Variants in GRID2 observed in about 807,000 individuals in gnomAD.
The protein encoded by GRID2 is glutamate ionotropic receptor delta type subunit 2.
In GRID2, 33 loss-of-function variants were observed where a neutral mutation model predicts 114.8. The ratio of observed to expected loss-of-function variants is 0.29; its 90% CI spans 0.22 to 0.38. The LOEUF (loss-of-function observed/expected upper bound fraction) is 0.38, where lower values mean the gene tolerates loss of function less well. GRID2 is among the 10% of genes least tolerant of loss of function. The pLI is 1.00. For missense variants in GRID2, 1,184 were observed against 1,257.7 expected (o/e 0.94, Z 0.89); for synonymous variants, 505 against 449.9 (o/e 1.12, Z -1.55).
At chr4:92,798,639 C>T (rs1482169390) in intron 2 of GRID2, among the ~76,000 whole-genome samples, 2 of 152,038 alleles carry the variant, frequency 1.3e-5, no homozygotes, top group Non-Finnish European at 2.9e-5. Flanking sequence ...TTAGGAGTAA[C>T]TCTCTGAAGA....
At chr4:92,958,419 G>T (rs1011949918) in intron 2 of GRID2, among the ~76,000 whole-genome samples, 2 of 151,970 alleles carry the variant, frequency 1.3e-5, no homozygotes, top group Admixed American at 1.3e-4. Flanking sequence ...TACATCTATT[G>T]ATACAGTTTT....
chr4:93,417,957 T>G (rs532195295), intron 9 of GRID2, among the ~76,000 whole-genome samples: 1 of 150,896 alleles, frequency 6.6e-6, no homozygotes, highest in South Asian at 2.1e-4. Context: ...AGTATTCTTT[T>G]GTATTCATAC....
chr4:92,650,596 A>G (rs1731878602), intron 2 of GRID2, among the ~76,000 whole-genome samples: 1 of 151,764 alleles, frequency 6.6e-6, no homozygotes. Flanking sequence ...TGAGAAGTAC[A>G]AGGTATCTGA....
At chr4:92,689,917 G>A (rs867741888) in intron 2 of GRID2, among the ~76,000 whole-genome samples, 1 of 152,040 alleles carries the variant, frequency 6.6e-6, no homozygotes, top group African/African-American at 2.4e-5. Flanking sequence ...GAGAGTTAGG[G>A]CCTTACTCTG....
chr4:92,544,357 G>A (rs190930116), intron 1 of GRID2, among the ~76,000 whole-genome samples: 48 of 152,090 alleles, frequency 3.2e-4, no homozygotes, highest in African/African-American at 9.4e-4. Context: ...TGTTTGAGTC[G>A]TACAACTGGT....
intron 2 of GRID2, among the ~76,000 whole-genome samples, chr4:92,595,542 A>G (rs1304718401): frequency 6.6e-6 from 1 of 152,044 alleles, no homozygotes; most frequent in East Asian, 1.9e-4. Flanking sequence ...AGTGTTGATT[A>G]CCCATTGCTC....
At chr4:92,739,932 A>G (rs1199170890) in intron 2 of GRID2, among the ~76,000 whole-genome samples, 1 of 152,126 alleles carries the variant, frequency 6.6e-6, no homozygotes, top group African/African-American at 2.4e-5. Flanking sequence ...TACCTTCCAT[A>G]ATATTTTTTC....
chr4:92,779,126 A>C (rs1738942609), intron 2 of GRID2, among the ~76,000 whole-genome samples: 1 of 151,978 alleles, frequency 6.6e-6, no homozygotes, highest in Non-Finnish European at 1.5e-5. Context: ...GAAGAACTAT[A>C]GTAGCATTTC....
chr4:92,501,144 G>A lies in GRID2; in HGVS notation c.89-88987G>A, dbSNP rs573258428. 1.4e-4 allele frequency among the ~76,000 whole-genome samples: 22 copies of A among 152,168 alleles called. No individual in the cohort carries two copies. The South Asian group carries it at 2.3e-3, about 16-fold the overall frequency. On this transcript the variant is annotated intron_variant, in intron 1 of 15. Coordinates refer to ENST00000282020, the MANE Select transcript of GRID2 (RefSeq NM_001510.4). ...AGGGAAGGACAACAGGAATGCATTC[G>A]GGAATTCTCAATGATTTGTTTTCAG...
At chr4:92,835,483 A>C (rs1453264276) in intron 2 of GRID2, among the ~76,000 whole-genome samples, 2 of 152,146 alleles carry the variant, frequency 1.3e-5, no homozygotes, top group African/African-American at 2.4e-5. Context: ...TTCTACAGAT[A>C]ATGCTTATGC....
At chr4:92,418,967 C>A (rs929054677) in intron 1 of GRID2, among the ~76,000 whole-genome samples, 1 of 152,068 alleles carries the variant, frequency 6.6e-6, no homozygotes, top group Non-Finnish European at 1.5e-5. Context: ...GTACTCATAT[C>A]TCTCTCCCTC....
chr4:92,916,440 A>T (rs1748799391), intron 2 of GRID2, among the ~76,000 whole-genome samples: 1 of 152,130 alleles, frequency 6.6e-6, no homozygotes, highest in African/African-American at 2.4e-5. Context: ...TACACGTGCC[A>T]TGTTGGTGTG....
At chr4:92,444,816 C>T (rs1560635152) in intron 1 of GRID2, among the ~76,000 whole-genome samples, 1 of 151,970 alleles carries the variant, frequency 6.6e-6, no homozygotes, top group Non-Finnish European at 1.5e-5. Context: ...TTATTTTTGC[C>T]CTTACATATT....
intron 2 of GRID2, among the ~76,000 whole-genome samples, chr4:92,685,498 A>G (rs983886505): frequency 5.3e-5 from 8 of 152,074 alleles, no homozygotes; most frequent in African/African-American, 1.9e-4. Flanking sequence ...AGATAAGTTA[A>G]AAAATAGACA....
At chr4:92,986,687 C>A (rs1293010001) in intron 2 of GRID2, among the ~76,000 whole-genome samples, 2 of 152,066 alleles carry the variant, frequency 1.3e-5, no homozygotes, top group Admixed American at 6.6e-5. Context: ...TGCAACTTTC[C>A]TGTAAGTCTA....
chr4:92,331,346 C>T (rs539698518), intron 1 of GRID2, among the ~76,000 whole-genome samples: 2 of 152,120 alleles, frequency 1.3e-5, no homozygotes, highest in African/African-American at 2.4e-5. Flanking sequence ...ATTCAGGTTA[C>T]GGCACTTAGC....
chr4:92,881,132 ACC>A (rs1471904298), intron 2 of GRID2, among the ~76,000 whole-genome samples: 1 of 152,130 alleles, frequency 6.6e-6, no homozygotes, highest in Non-Finnish European at 1.5e-5. Context: ...CCAAAGCCTG[ACC>A]TCAGGTGATC....
intron 1 of GRID2, among the ~76,000 whole-genome samples, chr4:92,577,999 G>A (rs77381956): frequency 0.013 from 1,986 of 151,546 alleles, 48 homozygotes; most frequent in African/African-American, 0.046. Flanking sequence ...CAAGGTTCAA[G>A]TGAAGATTTG....
intron 13 of GRID2, among the ~76,000 whole-genome samples, chr4:93,605,321 G>A (rs1472970303): frequency 1.3e-5 from 2 of 152,160 alleles, no homozygotes. Flanking sequence ...ATATTGGACA[G>A]CATAGACATA....
Sources: gnomAD v4.1 joint callset for allele counts (sites outside exome capture counted in the v4.1 genomes callset) on GRCh38, gnomAD v4.1.1 for gene constraint, MANE v1.5 for transcripts, NCBI Gene and HGNC (gene_info 2026-07-23, HGNC 2026-07-21) for gene names.